Variants in EYS observed in about 807,000 individuals in gnomAD.
The protein encoded by EYS is EGF-like photoreceptor maintenance factor.
Under a neutral mutation model 282.1 loss-of-function variants are expected in EYS, and 250 were observed. The observed-to-expected ratio is 0.89, with a 90% confidence interval of 0.80 to 0.98. The LOEUF is 0.98. Ranked by LOEUF, EYS falls within the 50% of genes least tolerant of loss-of-function variation. The pLI, the probability that EYS is intolerant of heterozygous loss-of-function variation, is 0.00. For missense variants in EYS, 4,016 were observed against 3,709.0 expected (o/e 1.08, Z -2.15); for synonymous variants, 1,355 against 1,282.9 (o/e 1.06, Z -1.20).
chr6:65,230,445 C>T (rs1227383250), intron 12 of EYS, among the ~76,000 whole-genome samples: 4 of 151,888 alleles, frequency 2.6e-5, no homozygotes, highest in African/African-American at 9.7e-5. Context: ...TTAGTTTTCC[C>T]CCCAGAAGAT....
chr6:64,668,758 G>A (rs1583020240), intron 22 of EYS, among the ~76,000 whole-genome samples: 1 of 151,310 alleles, frequency 6.6e-6, no homozygotes, highest in African/African-American at 2.4e-5. Flanking sequence ...AAGTAGAGAC[G>A]GGGTTTCAGC....
intron 12 of EYS, among the ~76,000 whole-genome samples, chr6:65,080,766 C>G (rs1386871786): frequency 6.6e-6 from 1 of 151,966 alleles, no homozygotes; most frequent in Admixed American, 6.6e-5. Context: ...AGTTCCTAAC[C>G]TTTTAATAAA....
chr6:65,685,258 C>T (rs1768976883), intron 1 of EYS, among the ~76,000 whole-genome samples: 1 of 152,004 alleles, frequency 6.6e-6, no homozygotes, highest in South Asian at 2.1e-4. Flanking sequence ...ATAGAGACGT[C>T]AATGGCCATA....
intron 2 of EYS, among the ~76,000 whole-genome samples, chr6:65,575,658 T>G (rs181795199): frequency 3.3e-5 from 5 of 152,000 alleles, no homozygotes; most frequent in Admixed American, 1.3e-4. Context: ...AAATTAAAAT[T>G]TGTGTTCTTT....
At chr6:64,864,804 G>A (rs1766370271) in intron 19 of EYS, among the ~76,000 whole-genome samples, 1 of 151,858 alleles carries the variant, frequency 6.6e-6, no homozygotes, top group Non-Finnish European at 1.5e-5. Flanking sequence ...GGGAGGCTGA[G>A]GCAGTTGGAT....
intron 26 of EYS, among the ~76,000 whole-genome samples, chr6:64,562,545 G>A (rs975796792): frequency 2.6e-5 from 4 of 151,730 alleles, no homozygotes; most frequent in Admixed American, 2.6e-4. Context: ...ATGGTTGAGT[G>A]GAATTATCCT....
chr6:64,121,692 A>C (rs569095786), intron 31 of EYS, among the ~76,000 whole-genome samples: 59 of 152,294 alleles, frequency 3.9e-4, no homozygotes, highest in Non-Finnish European at 5.0e-4. Context: ...TTCTAATTTT[A>C]TGACCTAGCT....
At chr6:64,719,409 G>A (rs79584993) in intron 22 of EYS, among the ~76,000 whole-genome samples, 7,146 of 152,146 alleles carry the variant, frequency 0.047, 233 homozygotes, top group East Asian at 0.18. Context: ...TTTATTAAGG[G>A]AAGAGTACAT....
At chr6:64,239,811 A>G (rs571061109) in intron 30 of EYS, among the ~76,000 whole-genome samples, 1 of 152,146 alleles carries the variant, frequency 6.6e-6, no homozygotes, top group South Asian at 2.1e-4. Context: ...TTGGTGTTTT[A>G]GTCATGAAGC....
intron 31 of EYS, among the ~76,000 whole-genome samples, chr6:64,187,359 T>C (rs1764977630): frequency 6.6e-6 from 1 of 152,110 alleles, no homozygotes; most frequent in Non-Finnish European, 1.5e-5. Context: ...TAAAAACAGC[T>C]TAATTCTTAA....
In EYS at chr6:64,192,878, T is replaced by C. The variant is rs146468996; in HGVS notation, c.6424+37714A>G. On this transcript the variant is annotated intron_variant, in intron 31 of 42. Coordinates refer to ENST00000503581, the MANE Select transcript of EYS (RefSeq NM_001142800.2). ...GCCCTTGCATAATTTGTTAAACTGT[T>C]CATCCTTGTCCCATTGATCTTTACT... is the stretch of plus-strand genomic sequence containing the variant. Among the ~76,000 whole-genome samples, 570 of 152,352 alleles carry C rather than the reference T, an allele frequency of 3.7e-3. 5 individuals are homozygous for C. Among genetic ancestry groups the C allele is most frequent in the African/African-American group, 0.013 (537 of 41,588 alleles).
At chr6:64,570,148 T>C (rs1226158484) in intron 26 of EYS, among the ~76,000 whole-genome samples, 1 of 152,170 alleles carries the variant, frequency 6.6e-6, no homozygotes, top group Non-Finnish European at 1.5e-5. Flanking sequence ...TCAACATTCT[T>C]AAAGAAAATA....
In EYS at chr6:65,396,051, T is replaced by C. The variant is rs553722396; in HGVS notation, c.1184+6427A>G. Among the ~76,000 whole-genome samples, 3 of 152,352 alleles carry C rather than the reference T, an allele frequency of 2.0e-5. No individual in the cohort carries two copies. The South Asian group carries it at 6.2e-4, about 32-fold the overall frequency. ...TTTCCTTCTTTATGTGGCTGTGTAA[T>C]ATTACATGCATACACATGCAAACAC... On this transcript the variant is annotated intron_variant, in intron 7 of 42. Coordinates refer to ENST00000503581, the MANE Select transcript of EYS (RefSeq NM_001142800.2).
At chr6:64,766,643 AAAAAAAATATATAT>A (rs1418331013) in intron 22 of EYS, among the ~76,000 whole-genome samples, 52 of 10,028 alleles carry the variant, frequency 5.2e-3, no homozygotes, top group Middle Eastern at 0.083. Flanking sequence ...AAAAAAAAAA[AAAAAAAATATATAT>A]ATATATATAT....
intron 12 of EYS, among the ~76,000 whole-genome samples, chr6:65,277,228 A>G (rs1768072655): frequency 6.6e-6 from 1 of 151,830 alleles, no homozygotes; most frequent in Non-Finnish European, 1.5e-5. Flanking sequence ...AGGTCAGGAG[A>G]TCAAGACCTT....
At chr6:65,110,268 T>G (rs915831865) in intron 12 of EYS, among the ~76,000 whole-genome samples, 9 of 152,176 alleles carry the variant, frequency 5.9e-5, no homozygotes, top group African/African-American at 1.9e-4. Context: ...GACCCGTAAC[T>G]ATGTTCCAGT....
At chr6:64,485,124 A>C (rs1776544526) in intron 26 of EYS, among the ~76,000 whole-genome samples, 1 of 151,688 alleles carries the variant, frequency 6.6e-6, no homozygotes, top group Admixed American at 6.6e-5. Flanking sequence ...GAGACCAAGG[A>C]AAGAAAGTGC....
chr6:65,505,379 TTTATTGTTTTTCTATTTTTA>T (rs1403606102), intron 2 of EYS, among the ~76,000 whole-genome samples: 6 of 151,914 alleles, frequency 3.9e-5, no homozygotes, highest in Non-Finnish European at 8.8e-5. Flanking sequence ...GTTTATTTTC[TTTATTGTTTTTCTATTTTTA>T]ATCTTACTGA....
intron 33 of EYS, among the ~76,000 whole-genome samples, chr6:64,032,991 G>A (rs1769927761): frequency 6.6e-6 from 1 of 152,128 alleles, no homozygotes; most frequent in African/African-American, 2.4e-5. Flanking sequence ...GAGACTTCAA[G>A]AGTCTTAGAA....
Sources: gnomAD v4.1 joint callset for allele counts (sites outside exome capture counted in the v4.1 genomes callset) on GRCh38, gnomAD v4.1.1 for gene constraint, MANE v1.5 for transcripts, NCBI Gene and HGNC (gene_info 2026-07-23, HGNC 2026-07-21) for gene names.